Variants in PRUNE2 observed in about 807,000 individuals in gnomAD.
PRUNE2 encodes the protein prune homolog 2 with BCH domain, also known as protein prune homolog 2.
Under a neutral mutation model 252.0 loss-of-function variants are expected in PRUNE2, and 164 were observed. That is an observed-to-expected ratio of 0.65 (90% CI 0.57 to 0.74). PRUNE2 has a LOEUF of 0.74. Among genes scored for constraint, PRUNE2 ranks in the 30% least tolerant of loss-of-function variants. The probability of loss-of-function intolerance (pLI) is 0.00; values close to 1 mark genes in which losing one functional copy is unlikely to be tolerated. For missense variants in PRUNE2, 3,495 were observed against 3,711.0 expected, an observed-to-expected ratio of 0.94 and a Z score of 1.51; for synonymous variants, 1,292 against 1,350.2, an observed-to-expected ratio of 0.96 and a Z score of 0.94.
chr9:76,905,875 T>C, intron 1 of PRUNE2, 53 bp downstream of exon 1: 1 of 1,610,978 alleles, frequency 6.2e-7, no homozygotes, highest in Non-Finnish European at 8.5e-7. Flanking sequence ...CTCTCCACCT[T>C]TCCATTAGCA....
intron 1 of PRUNE2, among the ~76,000 whole-genome samples, chr9:76,857,571 T>C (rs116784973): frequency 0.011 from 1,739 of 152,202 alleles, 33 homozygotes; most frequent in African/African-American, 0.039. Flanking sequence ...ACTGATAAGA[T>C]AGAATTGCAG....
intron 9 of PRUNE2, among the ~76,000 whole-genome samples, chr9:76,656,260 C>T (rs765481728): frequency 3.9e-5 from 6 of 152,124 alleles, no homozygotes; most frequent in Non-Finnish European, 7.3e-5. Context: ...CCACTGTTCA[C>T]GATAAATTTC....
intron 4 of PRUNE2, among the ~76,000 whole-genome samples, chr9:76,840,481 T>C (rs143875010): frequency 2.0e-5 from 3 of 152,308 alleles, no homozygotes; most frequent in South Asian, 4.1e-4. Flanking sequence ...ACTTAGCTCA[T>C]AGAAAATGTA....
At chr9:76,825,994 A>G (rs1000390986) in intron 5 of PRUNE2, among the ~76,000 whole-genome samples, 2 of 152,204 alleles carry the variant, frequency 1.3e-5, no homozygotes, top group African/African-American at 2.4e-5. Context: ...TCCTATCAGC[A>G]TAAGGATTGC....
At position 76,638,247 on chromosome 9, in the gene PRUNE2, C is replaced by A. The variant is rs546188803; in HGVS notation, c.8770G>T (p.Ala2924Ser). Residue 2924 changes from alanine (A) to serine (S), a missense_variant, in exon 13 of 19, where the codon GCC becomes TCC. Coordinates refer to ENST00000376718, the MANE Select transcript of PRUNE2 (RefSeq NM_015225.3). ...DGLNAIIVFA[A>S]CFLPDSSRAD... ...CGACTGCTGTCTGGCAGAAAACAGG[C>A]GGCAAACACAATGATGGCATTTAGA... The A allele has an allele frequency of 6.2e-7, 1 of 1,613,730 alleles. No individual in the cohort carries two copies. Among genetic ancestry groups the A allele is most frequent in the South Asian group, 1.1e-5 (1 of 91,080 alleles).
At chr9:76,811,271 ATGT>A (rs1336872659) in intron 6 of PRUNE2, among the ~76,000 whole-genome samples, 2 of 152,220 alleles carry the variant, frequency 1.3e-5, no homozygotes, top group Non-Finnish European at 2.9e-5. Context: ...ATAAAGAAAA[ATGT>A]AGACAGAATT....
chr9:76,760,194 G>T (rs2051566709), intron 6 of PRUNE2, among the ~76,000 whole-genome samples: 1 of 152,142 alleles, frequency 6.6e-6, no homozygotes, highest in Admixed American at 6.5e-5. Flanking sequence ...TGATGGTACT[G>T]CAACCTGAGC....
intron 6 of PRUNE2, among the ~76,000 whole-genome samples, chr9:76,797,599 T>C (rs188540003): frequency 4.1e-4 from 62 of 152,328 alleles, no homozygotes; most frequent in Admixed American, 5.9e-4. Flanking sequence ...ACAGTTTATA[T>C]AGGTGAAATG....
intron 6 of PRUNE2, among the ~76,000 whole-genome samples, chr9:76,730,408 G>A (rs760869795): frequency 2.6e-5 from 4 of 152,132 alleles, no homozygotes; most frequent in Non-Finnish European, 5.9e-5. Context: ...ATTAACCCAC[G>A]CATCTGTAAC....
chr9:76,632,129 T>C (rs1480766051), intron 15 of PRUNE2, among the ~76,000 whole-genome samples: 1 of 152,204 alleles, frequency 6.6e-6, no homozygotes, highest in Admixed American at 6.5e-5. Flanking sequence ...GTCTTTACGG[T>C]AGAATGAGTT....
At chr9:76,728,918 G>A (rs1329159673) in intron 6 of PRUNE2, among the ~76,000 whole-genome samples, 1 of 152,196 alleles carries the variant, frequency 6.6e-6, no homozygotes, top group East Asian at 1.9e-4. Flanking sequence ...ATAGATGGTA[G>A]TCAGCAGCAG....
chr9:76,626,387 A>G (rs1834773039), intron 16 of PRUNE2, among the ~76,000 whole-genome samples: 1 of 152,240 alleles, frequency 6.6e-6, no homozygotes, highest in South Asian at 2.1e-4. Flanking sequence ...GATAAAAAGG[A>G]GCCATGGCTC....
chr9:76,826,094 GCTGT>G (rs961903780), intron 5 of PRUNE2, among the ~76,000 whole-genome samples: 30 of 152,198 alleles, frequency 2.0e-4, no homozygotes, highest in African/African-American at 6.5e-4. Flanking sequence ...CACAGTACAA[GCTGT>G]CTATTTGCAG....
chr9:76,781,414 G>A (rs1387352677), intron 6 of PRUNE2, among the ~76,000 whole-genome samples: 2 of 152,098 alleles, frequency 1.3e-5, no homozygotes, highest in African/African-American at 4.8e-5. Context: ...TCCTGAATGT[G>A]CCGACCTATT....
chr9:76,816,996 C>A (rs2057735750), intron 6 of PRUNE2, among the ~76,000 whole-genome samples: 1 of 152,184 alleles, frequency 6.6e-6, no homozygotes, highest in Non-Finnish European at 1.5e-5. Context: ...TAATTAGCTT[C>A]ACAATGAGCA....
chr9:76,673,047 TA>T (rs1444916523), intron 9 of PRUNE2, among the ~76,000 whole-genome samples: 3 of 151,112 alleles, frequency 2.0e-5, no homozygotes, highest in African/African-American at 7.3e-5. Flanking sequence ...AAAAAATAAC[TA>T]AAATCAGAGC....
At chr9:76,784,525 T>C (rs192316440) in intron 6 of PRUNE2, 2 of 152,272 alleles carry the variant, frequency 1.3e-5, no homozygotes, top group African/African-American at 4.8e-5. Flanking sequence ...TTGTAATATC[T>C]GATCTCTACG....
chr9:76,739,006 T>C (rs1204993474), intron 6 of PRUNE2: 4 of 152,122 alleles, frequency 2.6e-5, no homozygotes, highest in Non-Finnish European at 5.9e-5. Context: ...AATCACCCTG[T>C]GAAGTGGGCA....
chr9:76,762,292 T>C (rs1287404862), intron 6 of PRUNE2, among the ~76,000 whole-genome samples: 2 of 152,246 alleles, frequency 1.3e-5, no homozygotes, highest in African/African-American at 4.8e-5. Flanking sequence ...CAATACTCTC[T>C]GTTATTTCAT....
Sources: gnomAD v4.1 joint callset for allele counts (sites outside exome capture counted in the v4.1 genomes callset) on GRCh38, gnomAD v4.1.1 for gene constraint, MANE v1.5 for transcripts, NCBI Gene and HGNC (gene_info 2026-07-23, HGNC 2026-07-21) for gene names.